Variants in GRAMD1B observed in about 807,000 individuals in gnomAD.
The protein encoded by GRAMD1B is GRAM domain containing 1B, also known as protein Aster-B.
A neutral mutation model predicts 99.7 loss-of-function variants in GRAMD1B; 37 were observed. That is an observed-to-expected ratio of 0.37 (90% CI 0.29 to 0.49). The LOEUF is 0.49. Ranked by LOEUF, GRAMD1B falls within the 20% of genes least tolerant of loss-of-function variation. The pLI is 0.98. For synonymous variants in GRAMD1B, 427 were observed against 387.6 expected, an observed-to-expected ratio of 1.10 and a Z score of -1.19; for missense variants, 888 against 1,009.2, an observed-to-expected ratio of 0.88 and a Z score of 1.63.
At chr11:123,490,733 AG>A (rs893978116) in intron 2 of GRAMD1B, among the ~76,000 whole-genome samples, 4 of 152,144 alleles carry the variant, frequency 2.6e-5, no homozygotes, top group Admixed American at 2.6e-4. Flanking sequence ...TTGCTCAGCT[AG>A]GGGGTGCCAT....
chr11:123,417,234 G>A (rs914747603), intron 1 of GRAMD1B, among the ~76,000 whole-genome samples: 3 of 152,158 alleles, frequency 2.0e-5, no homozygotes, highest in Non-Finnish European at 2.9e-5. Context: ...TTAGCTGGAC[G>A]TGGTGGTGTG....
In GRAMD1B at chr11:123,513,515, TTTCCTTCCTTCC is replaced by T. The variant is rs58960047; in HGVS notation, c.452+32641_452+32652del. 2.5e-3 allele frequency among the ~76,000 whole-genome samples: 359 copies of T among 144,784 alleles called. 7 individuals carry two copies. Among genetic ancestry groups the T allele is most frequent in the African/African-American group, 9.2e-3 (334 of 36,442 alleles). 95.0% of individuals were successfully genotyped at this position (144,784 alleles called of 152,430 possible). A position where few individuals can be genotyped will look rare whatever the true frequency, so the allele number is the denominator to read the frequency against. ...TTCTTTCTCCCTCTCTCTTTCTTTCTTTCCTTCCTTCCTTCCTTCCTTCCTTCCTTTCCTTTC... is the reference window on the plus strand; with the variant it reads ...TTCTTTCTCCCTCTCTCTTTCTTTCTTTCCTTCCTTCCTTCCTTTCCTTTC... On this transcript the variant is annotated intron_variant, in intron 2 of 19. Coordinates refer to ENST00000635736, the MANE Select transcript of GRAMD1B (RefSeq NM_001387025.1).
chr11:123,515,427 A>G (rs957101168), intron 2 of GRAMD1B, among the ~76,000 whole-genome samples: 3 of 152,218 alleles, frequency 2.0e-5, no homozygotes, highest in East Asian at 1.9e-4. Flanking sequence ...TTCAAAGGCA[A>G]TACTCATTAG....
chr11:123,594,852 C>T lies in GRAMD1B; in HGVS notation c.873+14C>T. 7.1e-7 allele frequency: 1 copy of T among 1,400,870 alleles called. No homozygotes were observed. The highest frequency in any genetic ancestry group is 2.3e-5 in the East Asian group (1 of 43,902). The allele number at this position is 1,400,870 out of a possible 1,614,324, so 86.8% of individuals were successfully genotyped here. On this transcript the variant is annotated intron_variant, in intron 6 of 19. Coordinates refer to ENST00000635736, the MANE Select transcript of GRAMD1B (RefSeq NM_001387025.1). ...TGGGAAACTCTGGTAAAGACCTGGG[C>T]ATGCTCCCTTGGGCTGTCTCCTTGG...
chr11:123,465,310 C>T (rs975348462), intron 1 of GRAMD1B, among the ~76,000 whole-genome samples: 1 of 152,152 alleles, frequency 6.6e-6, no homozygotes, highest in African/African-American at 2.4e-5. Context: ...TAGGTGTTTT[C>T]GCATTTCCAG....
At chr11:123,396,200 C>CT (rs1178349485) in intron 1 of GRAMD1B, among the ~76,000 whole-genome samples, 2,135 of 129,108 alleles carry the variant, frequency 0.017, 80 homozygotes, top group African/African-American at 0.056. Context: ...CTTTTCTTTC[C>CT]TTTTTTTTTT....
intron 2 of GRAMD1B, among the ~76,000 whole-genome samples, chr11:123,482,173 A>G (rs1951647429): frequency 6.6e-6 from 1 of 151,784 alleles, no homozygotes; most frequent in Non-Finnish European, 1.5e-5. Flanking sequence ...ATCTCAGCTC[A>G]CTGCAACCTC....
intron 2 of GRAMD1B, among the ~76,000 whole-genome samples, chr11:123,568,965 C>T (rs1432426998): frequency 6.6e-6 from 1 of 152,138 alleles, no homozygotes; most frequent in Non-Finnish European, 1.5e-5. Context: ...AGGTCTTATC[C>T]TTTTGAACCC....
intron 11 of GRAMD1B, 57 bp downstream of exon 11, chr11:123,606,855 G>C (rs558233462): frequency 7.3e-7 from 1 of 1,378,638 alleles, no homozygotes; most frequent in African/African-American, 1.4e-5. Context: ...AGGCTAAAAG[G>C]AGATCTCTAT....
intron 3 of GRAMD1B, among the ~76,000 whole-genome samples, chr11:123,577,807 AT>A (rs36014098): frequency 0.26 from 37,490 of 145,568 alleles, 4,853 homozygotes; most frequent in East Asian, 0.32. Context: ...GGAGGCTCAT[AT>A]TTTTTTTTTT....
chr11:123,457,624 C>T (rs534100366), intron 1 of GRAMD1B, among the ~76,000 whole-genome samples: 7 of 152,242 alleles, frequency 4.6e-5, no homozygotes, highest in Non-Finnish European at 8.8e-5. Context: ...CTACGGAGTC[C>T]ATGACAGAGT....
chr11:123,490,974 G>A (rs1341469925), intron 2 of GRAMD1B, among the ~76,000 whole-genome samples: 2 of 152,154 alleles, frequency 1.3e-5, no homozygotes, highest in African/African-American at 4.8e-5. Flanking sequence ...AATGAGAATA[G>A]TGTGATGTTT....
Position 123,525,945 on chromosome 11 carries a change from G to A in GRAMD1B, c.452+45052G>A, listed in dbSNP as rs570462159. The A allele has an allele frequency of 7.0e-5, 41 of 589,784 alleles. No homozygotes were observed. The South Asian group carries it at 8.7e-4, about 12-fold the overall frequency. 36.5% of individuals were successfully genotyped at this position (589,784 alleles called of 1,614,324 possible). ...CCTTTGCCTCCAAGCCCAGCTTTCA[G>A]CTGGGAGAGGGGGAAGAAGGGGCAG... On this transcript the variant is annotated intron_variant, in intron 2 of 19. Coordinates refer to ENST00000635736, the MANE Select transcript of GRAMD1B (RefSeq NM_001387025.1).
intron 2 of GRAMD1B, among the ~76,000 whole-genome samples, chr11:123,557,395 G>T (rs1946278747): frequency 6.6e-6 from 1 of 152,224 alleles, no homozygotes; most frequent in South Asian, 2.1e-4. Context: ...GGTGACTGAA[G>T]AAATACCACG....
intron 1 of GRAMD1B, among the ~76,000 whole-genome samples, chr11:123,400,603 G>A (rs1358284589): frequency 6.6e-6 from 1 of 152,150 alleles, no homozygotes; most frequent in African/African-American, 2.4e-5. Flanking sequence ...TCTTCTTGCT[G>A]TGTCCTCATG....
intron 2 of GRAMD1B, among the ~76,000 whole-genome samples, chr11:123,567,504 C>A (rs920973431): frequency 6.6e-6 from 1 of 152,140 alleles, no homozygotes; most frequent in African/African-American, 2.4e-5. Flanking sequence ...TTGCTTTTTT[C>A]TCCTTGGCTC....
intron 8 of GRAMD1B, 26 bp downstream of exon 8, chr11:123,600,574 C>T (rs1254189999): frequency 6.9e-7 from 1 of 1,449,322 alleles, no homozygotes; most frequent in Non-Finnish European, 9.7e-7. Context: ...TTTGCTTTTA[C>T]TGTGGGACTG....
intron 1 of GRAMD1B, chr11:123,459,230 A>G (rs1177075135): frequency 6.7e-6 from 1 of 150,070 alleles, no homozygotes; most frequent in East Asian, 2.0e-4. Context: ...TTTGCTGATC[A>G]TGGGAAAATC....
intron 1 of GRAMD1B, among the ~76,000 whole-genome samples, chr11:123,371,304 G>A (rs957616726): frequency 1.2e-4 from 18 of 152,006 alleles, no homozygotes; most frequent in Admixed American, 3.3e-4. Context: ...TAGGTCTCAC[G>A]GCCTGTCTGC....
Sources: gnomAD v4.1 joint callset for allele counts (sites outside exome capture counted in the v4.1 genomes callset) on GRCh38, gnomAD v4.1.1 for gene constraint, MANE v1.5 for transcripts, NCBI Gene and HGNC (gene_info 2026-07-23, HGNC 2026-07-21) for gene names.